Variants in PDE3A observed in about 807,000 individuals in gnomAD.
PDE3A encodes the protein phosphodiesterase 3A.
A neutral mutation model predicts 98.3 loss-of-function variants in PDE3A; 43 were observed. The observed-to-expected ratio is 0.44, with a 90% CI of 0.34 to 0.56. PDE3A has a LOEUF of 0.56. Among genes scored for constraint, PDE3A ranks in the 20% least tolerant of loss-of-function variants. The probability of loss-of-function intolerance (pLI) is 0.01; values close to 1 mark genes in which losing one functional copy is unlikely to be tolerated. For synonymous variants in PDE3A, 663 were observed against 567.9 expected, an observed-to-expected ratio of 1.17 and a Z score of -2.38; for missense variants, 1,427 against 1,440.7, an observed-to-expected ratio of 0.99 and a Z score of 0.15.
intron 1 of PDE3A, among the ~76,000 whole-genome samples, chr12:20,483,617 G>A (rs772021903): frequency 6.6e-5 from 10 of 152,194 alleles, no homozygotes; most frequent in Middle Eastern, 3.4e-3. Flanking sequence ...AGCACATGAT[G>A]TTCCTTTCCT....
At chr12:20,467,718 C>T (rs1445137593) in intron 1 of PDE3A, among the ~76,000 whole-genome samples, 3 of 151,648 alleles carry the variant, frequency 2.0e-5, no homozygotes, top group Admixed American at 1.3e-4. Flanking sequence ...GGGTGGATCA[C>T]GAGGTCAAGA....
At chr12:20,406,786 C>T (rs942459671) in intron 1 of PDE3A, among the ~76,000 whole-genome samples, 2 of 152,020 alleles carry the variant, frequency 1.3e-5, no homozygotes, top group East Asian at 1.9e-4. Context: ...ATTGCCAATA[C>T]GAACGTCTTT....
intron 4 of PDE3A, among the ~76,000 whole-genome samples, chr12:20,620,154 G>A (rs1357810575): frequency 2.6e-5 from 4 of 151,856 alleles, no homozygotes; most frequent in Non-Finnish European, 5.9e-5. Flanking sequence ...AAATTATATC[G>A]TATTAATTAT....
At chr12:20,588,993 G>T (rs1943256676) in intron 2 of PDE3A, among the ~76,000 whole-genome samples, 1 of 152,186 alleles carries the variant, frequency 6.6e-6, no homozygotes, top group Admixed American at 6.5e-5. Flanking sequence ...CGCCATTTGG[G>T]CTCCCTGCAA....
intron 4 of PDE3A, among the ~76,000 whole-genome samples, chr12:20,617,120 C>T (rs1342868902): frequency 6.6e-6 from 1 of 152,066 alleles, no homozygotes; most frequent in Admixed American, 6.6e-5. Flanking sequence ...TTTTGAAACA[C>T]ATGTATAAGT....
chr12:20,669,607 T>G (rs968762014), intron 15 of PDE3A, among the ~76,000 whole-genome samples: 2 of 152,016 alleles, frequency 1.3e-5, no homozygotes, highest in Admixed American at 1.3e-4. Flanking sequence ...CTAAGCTTCA[T>G]AAGCGAAGGA....
At chr12:20,676,675 A>G (rs903549796) in intron 15 of PDE3A, among the ~76,000 whole-genome samples, 1 of 151,610 alleles carries the variant, frequency 6.6e-6, no homozygotes, top group African/African-American at 2.4e-5. Flanking sequence ...AATTTTTTGT[A>G]TTTTTAGTAG....
At chr12:20,444,949 G>A (rs1944930100) in intron 1 of PDE3A, among the ~76,000 whole-genome samples, 1 of 152,196 alleles carries the variant, frequency 6.6e-6, no homozygotes, top group Non-Finnish European at 1.5e-5. Flanking sequence ...CTAGGTTGGA[G>A]CCTACGCGGG....
intron 1 of PDE3A, among the ~76,000 whole-genome samples, chr12:20,456,555 A>G (rs1432239517): frequency 6.6e-6 from 1 of 152,076 alleles, no homozygotes; most frequent in East Asian, 1.9e-4. Flanking sequence ...ATAATAACAG[A>G]CCAGAGTTCC....
chr12:20,429,626 A>C (rs1180883471), intron 1 of PDE3A, among the ~76,000 whole-genome samples: 2 of 152,222 alleles, frequency 1.3e-5, no homozygotes, highest in East Asian at 3.9e-4. Flanking sequence ...TTAACTTAGA[A>C]GGTAGATATT....
rs1354393429 is a variant in PDE3A at position 20,475,163 on chromosome 12, G to GA, written c.961-81491dup. Among the ~76,000 whole-genome samples, 6 of 140,990 alleles carry GA rather than the reference G, an allele frequency of 4.3e-5. No individual in the cohort carries two copies. In the East Asian group the frequency reaches 1.4e-3, roughly 32 times the overall value. The allele number at this position is 140,990 out of a possible 152,430, so 92.5% of individuals were successfully genotyped here. The stretch of plus-strand genomic sequence containing the variant: ...ATCACTTATACCAAATGTAGGAGAG[G>GA]AAAAAATGTGTGTGAGTGTGTGTGT... On this transcript the variant is annotated intron_variant, in intron 1 of 15. Coordinates refer to ENST00000359062, the MANE Select transcript of PDE3A (RefSeq NM_000921.5).
At chr12:20,556,786 G>C in intron 2 of PDE3A, 76 bp downstream of exon 2, 1 of 1,077,716 alleles carries the variant, frequency 9.3e-7, no homozygotes, top group Non-Finnish European at 1.4e-6. Flanking sequence ...AAACTCAAGA[G>C]ATAATAAAAT....
chr12:20,668,989 C>A (rs1447952501), intron 15 of PDE3A, among the ~76,000 whole-genome samples: 1 of 149,818 alleles, frequency 6.7e-6, no homozygotes, highest in Non-Finnish European at 1.5e-5. Flanking sequence ...ATAACCAATA[C>A]AGAGAAGTGC....
At chr12:20,511,604 A>C (rs1229904620) in intron 1 of PDE3A, among the ~76,000 whole-genome samples, 1 of 152,144 alleles carries the variant, frequency 6.6e-6, no homozygotes, top group Non-Finnish European at 1.5e-5. Context: ...GAAATGATTA[A>C]ATAGATGGGC....
intron 1 of PDE3A, chr12:20,551,848 A>C: frequency 6.2e-7 from 1 of 1,613,874 alleles, no homozygotes; most frequent in Non-Finnish European, 8.5e-7. Context: ...TGTGGGCCGC[A>C]CCAAGGAATG....
intron 1 of PDE3A, among the ~76,000 whole-genome samples, chr12:20,423,567 T>G (rs923169878): frequency 6.6e-6 from 1 of 152,206 alleles, no homozygotes; most frequent in African/African-American, 2.4e-5. Flanking sequence ...AAAAACAGAC[T>G]TTCAGAATCA....
rs551020225 is a variant in PDE3A, at chr12:20,465,703, C to T, written c.961-90957C>T. Among the ~76,000 whole-genome samples the T allele has an allele frequency of 1.3e-4, 20 of 152,232 alleles. No individual in the cohort carries two copies. In the South Asian group the frequency reaches 4.1e-3, roughly 32 times the overall value. On this transcript the variant is annotated intron_variant, in intron 1 of 15. Transcript: ENST00000359062. ...GGATTACAGGCAGGAGCCACCGTGC[C>T]CAGCCAGTACTTTTATTTTAAAAAT...
At chr12:20,576,344 C>A (rs1022183673) in intron 2 of PDE3A, among the ~76,000 whole-genome samples, 15 of 152,030 alleles carry the variant, frequency 9.9e-5, no homozygotes, top group Middle Eastern at 6.8e-3. Flanking sequence ...CAAGATTAGT[C>A]TCAAGTATTA....
chr12:20,532,941 G>T (rs1006566532), intron 1 of PDE3A, among the ~76,000 whole-genome samples: 6 of 152,036 alleles, frequency 3.9e-5, no homozygotes, highest in Non-Finnish European at 8.8e-5. Context: ...CTCCCAAAGT[G>T]CTGGGATTAC....
Sources: gnomAD v4.1 joint callset for allele counts (sites outside exome capture counted in the v4.1 genomes callset) on GRCh38, gnomAD v4.1.1 for gene constraint, MANE v1.5 for transcripts, NCBI Gene and HGNC (gene_info 2026-07-23, HGNC 2026-07-21) for gene names.